TANGO2: variants seen among roughly 807,000 people sequenced by gnomAD.
TANGO2 encodes transport and golgi organization 2 homolog, also known as transport and Golgi organization protein 2 homolog.
Under a neutral mutation model 39.1 loss-of-function variants are expected in TANGO2, and 26 were observed. That is an observed-to-expected ratio of 0.67 (90% CI 0.49 to 0.92). The LOEUF (loss-of-function observed/expected upper bound fraction) is 0.92. TANGO2 is among the 40% of genes least tolerant of loss of function. The pLI is 0.00. For synonymous variants in TANGO2, 131 were observed against 144.5 expected (o/e 0.91, Z 0.67); for missense variants, 326 against 360.1 (o/e 0.91, Z 0.77).
At chr22:20,046,433 GC>G (rs1444870794) in intron 3 of TANGO2, among the ~76,000 whole-genome samples, 1 of 150,084 alleles carries the variant, frequency 6.7e-6, no homozygotes, top group East Asian at 2.0e-4. Flanking sequence ...CAGATAATAA[GC>G]CATGGTGCCC....
chr22:20,026,716 A>G (rs1038163643), intron 1 of TANGO2, among the ~76,000 whole-genome samples: 1 of 152,234 alleles, frequency 6.6e-6, no homozygotes, highest in Non-Finnish European at 1.5e-5. Flanking sequence ...AATTGTTGGC[A>G]AGAACATACA....
chr22:20,026,399 A>G (rs1450426306), intron 1 of TANGO2, among the ~76,000 whole-genome samples: 76 of 3,118 alleles, frequency 0.024, no homozygotes, highest in East Asian at 0.056. Context: ...CTTCGTCTCA[A>G]AAAAAAAAAA....
chr22:20,049,923 T>A (rs2045970120), intron 3 of TANGO2, among the ~76,000 whole-genome samples: 1 of 151,974 alleles, frequency 6.6e-6, no homozygotes, highest in Non-Finnish European at 1.5e-5. Flanking sequence ...AGAAACACTG[T>A]TGAGGCTGGG....
At chr22:20,044,809 C>T (rs1345887247) in intron 3 of TANGO2, among the ~76,000 whole-genome samples, 2 of 152,140 alleles carry the variant, frequency 1.3e-5, no homozygotes, top group African/African-American at 2.4e-5. Context: ...GAAGATGTGG[C>T]GGCTCAGAGG....
intron 6 of TANGO2, chr22:20,061,327 A>T: frequency 1.9e-6 from 1 of 537,786 alleles, no homozygotes; most frequent in Non-Finnish European, 3.2e-6. Context: ...GCTTCCGCCT[A>T]CTGCTGAGTT....
At chr22:20,020,177 A>T (rs749159037), upstream of TANGO2, among the ~76,000 whole-genome samples, 20 of 152,252 alleles carry the variant, frequency 1.3e-4, no homozygotes, top group Admixed American at 5.9e-4. Context: ...GTTTACATCT[A>T]TAAAGTGGGA....
intron 1 of TANGO2, 28 bp from the exon 2 acceptor site, chr22:20,036,732 T>C (rs1269004587): frequency 4.4e-6 from 7 of 1,600,510 alleles, no homozygotes; most frequent in Non-Finnish European, 6.0e-6. Flanking sequence ...TGCCATCCGC[T>C]CAACTCAGTG....
At chr22:20,019,762 C>T (rs1338794688), upstream of TANGO2, among the ~76,000 whole-genome samples, 1 of 152,218 alleles carries the variant, frequency 6.6e-6, no homozygotes, top group African/African-American at 2.4e-5. Flanking sequence ...ACCTCTTGGC[C>T]CTATAGATTG....
intron 1 of TANGO2, among the ~76,000 whole-genome samples, chr22:20,033,490 G>C (rs190044461): frequency 6.6e-6 from 1 of 152,242 alleles, no homozygotes; most frequent in African/African-American, 2.4e-5. Flanking sequence ...GCAGCTGGGC[G>C]TGCAGCCCAG....
intron 1 of TANGO2, among the ~76,000 whole-genome samples, chr22:20,025,452 G>T (rs985608992): frequency 6.6e-6 from 1 of 151,986 alleles, no homozygotes; most frequent in Non-Finnish European, 1.5e-5. Context: ...TGCTTACTGG[G>T]TGTGCACGCT....
At chr22:20,032,186 C>T (rs2041992776) in intron 1 of TANGO2, among the ~76,000 whole-genome samples, 1 of 152,260 alleles carries the variant, frequency 6.6e-6, no homozygotes, top group African/African-American at 2.4e-5. Flanking sequence ...ACCTGCCCCA[C>T]CCGCCCTGTA....
At chr22:20,061,267 T>A (rs1468128043) in intron 6 of TANGO2, 1 of 367,536 alleles carries the variant, frequency 2.7e-6, no homozygotes, top group African/African-American at 2.1e-5. Flanking sequence ...TATTCATCCA[T>A]CCATCGAGGC....
chr22:20,037,243 C>A, intron 2 of TANGO2: 3 of 940,020 alleles, frequency 3.2e-6, no homozygotes, highest in Non-Finnish European at 4.6e-6. Flanking sequence ...GTCAAAGTGG[C>A]GGCCAGGCTA....
intron 6 of TANGO2, among the ~76,000 whole-genome samples, chr22:20,058,937 G>A (rs1191683545): frequency 6.6e-6 from 1 of 152,130 alleles, no homozygotes; most frequent in Non-Finnish European, 1.5e-5. Context: ...TTCACTTTGG[G>A]GCAGGGTTTT....
Position 20,066,677 on chromosome 22 carries a change from AG to A in TANGO2, c.*2017del, listed in dbSNP as rs1436756310. On this transcript the variant is annotated 3_prime_UTR_variant, in exon 9 of 9. Coordinates refer to ENST00000327374, the MANE Select transcript of TANGO2 (RefSeq NM_152906.7). ...ACATCCCATACGTGTCCTCTGAGTCAGGACAACAGGCTCCCGGCTGGGGGCA... is the reference window on the plus strand; with the variant it reads ...ACATCCCATACGTGTCCTCTGAGTCAGACAACAGGCTCCCGGCTGGGGGCA... Among the ~76,000 whole-genome samples, 1 of 149,232 alleles carries A rather than the reference AG, an allele frequency of 6.7e-6. No homozygotes were observed. Among genetic ancestry groups the A allele is most frequent in the Non-Finnish European group, 1.5e-5 (1 of 66,156 alleles).
chr22:20,061,519 G>T lies in TANGO2; in HGVS notation c.452-11G>T. ...AGGGCCTCTGCATGGCCCGCTGATTGCTCCTCACAGGCACCTACGGGCTGA... is the reference window on the plus strand; with the variant it reads ...AGGGCCTCTGCATGGCCCGCTGATTTCTCCTCACAGGCACCTACGGGCTGA... On this transcript the variant is annotated splice_polypyrimidine_tract_variant and intron_variant, in intron 6 of 8. Coordinates refer to ENST00000327374, the MANE Select transcript of TANGO2 (RefSeq NM_152906.7). 1 of 1,596,098 alleles carries T rather than the reference G, an allele frequency of 6.3e-7. No homozygotes were observed. The highest frequency in any genetic ancestry group is 8.5e-7 in the Non-Finnish European group (1 of 1,171,160).
At chr22:20,018,320 C>T (rs1317604432), upstream of TANGO2, among the ~76,000 whole-genome samples, 1 of 152,232 alleles carries the variant, frequency 6.6e-6, no homozygotes, top group Non-Finnish European at 1.5e-5. Flanking sequence ...TAGGGGCCCT[C>T]ACAAACCAGG....
intron 1 of TANGO2, among the ~76,000 whole-genome samples, chr22:20,035,994 A>G (rs1485189658): frequency 1.3e-5 from 2 of 152,150 alleles, no homozygotes; most frequent in Non-Finnish European, 2.9e-5. Flanking sequence ...CACCCGAACC[A>G]AAGAAGTTCA....
At chr22:20,028,092 C>A (rs9606212) in intron 1 of TANGO2, among the ~76,000 whole-genome samples, 9,740 of 152,218 alleles carry the variant, frequency 0.064, 432 homozygotes, top group Non-Finnish European at 0.097. Context: ...AGCCACTGCA[C>A]CCTACCTTAT....
Sources: gnomAD v4.1 joint callset for allele counts (sites outside exome capture counted in the v4.1 genomes callset) on GRCh38, gnomAD v4.1.1 for gene constraint, MANE v1.5 for transcripts, NCBI Gene and HGNC (gene_info 2026-07-23, HGNC 2026-07-21) for gene names.